HLCS: variants seen among roughly 807,000 people sequenced by gnomAD.
HLCS encodes the protein biotin--protein ligase.
In HLCS, 53 loss-of-function variants were observed where a neutral mutation model predicts 75.0. That is an observed-to-expected ratio of 0.71 (90% CI 0.57 to 0.89). HLCS has a LOEUF of 0.89. Ranked by LOEUF, HLCS falls within the 40% of genes least tolerant of loss-of-function variation. The pLI, the probability that HLCS is intolerant of heterozygous loss-of-function variation, is 0.00. For synonymous variants in HLCS, 431 were observed against 428.6 expected, an observed-to-expected ratio of 1.01 and a Z score of -0.07; for missense variants, 966 against 1,074.0, an observed-to-expected ratio of 0.90 and a Z score of 1.41.
chr21:36,900,436 G>T (rs1326948489), intron 5 of HLCS, among the ~76,000 whole-genome samples: 2 of 152,194 alleles, frequency 1.3e-5, no homozygotes, highest in African/African-American at 4.8e-5. Flanking sequence ...AGCCTGGGCA[G>T]AAGGTGGAGT....
rs535727316 is a variant in HLCS, at chr21:36,978,501, A to C, written c.-393+11657T>G. 1.7e-3 allele frequency among the ~76,000 whole-genome samples: 251 copies of C among 151,404 alleles called. 2 individuals are homozygous for C. Among genetic ancestry groups the C allele is most frequent in the African/African-American group, 5.9e-3 (243 of 41,386 alleles). ...AGAGCAAGACTCCCACCTCAAACAA[A>C]AAAAAAAAAAGAAAATTAAGAATAG... On this transcript the variant is annotated intron_variant, in intron 1 of 11. Coordinates refer to the HLCS transcript ENST00000336648.
intron 6 of HLCS, among the ~76,000 whole-genome samples, chr21:36,822,139 C>T (rs2061862137): frequency 2.6e-5 from 4 of 152,124 alleles, no homozygotes; most frequent in South Asian, 2.1e-4. Context: ...GGTCACTCCT[C>T]GGCGAGGTGC....
intron 10 of HLCS, 55 bp from the exon 11 acceptor site, chr21:36,754,472 A>G: frequency 1.3e-6 from 2 of 1,549,784 alleles, no homozygotes; most frequent in East Asian, 4.5e-5. Context: ...ACGACTTAAG[A>G]CAATGAGCTG....
intron 5 of HLCS, among the ~76,000 whole-genome samples, chr21:36,909,336 A>G (rs2065601700): frequency 6.6e-6 from 1 of 152,228 alleles, no homozygotes; most frequent in South Asian, 2.1e-4. Context: ...AATCATAACT[A>G]AATAAAGTTG....
At chr21:36,881,746 T>G (rs1273286593) in intron 6 of HLCS, among the ~76,000 whole-genome samples, 1 of 152,210 alleles carries the variant, frequency 6.6e-6, no homozygotes, top group Non-Finnish European at 1.5e-5. Flanking sequence ...GAAGGACACT[T>G]CCAGCTTTGG....
At position 36,767,233 on chromosome 21, in the gene HLCS, G is replaced by A. The variant is rs2090070234; in HGVS notation, c.1945C>T (p.Gln649Ter). ...GATGACTGACCTTTGCCCTCGGTCT[G>A]CCGGGCCGCGATCACTATTAAGCCC... The part of the protein sequence containing the change: ...EMGLIVIAAR[Q>*]TEGKGRGGNV... The change falls in exon 7 of 11, where the codon CAG becomes TAG. Residue 649 changes from glutamine (Q) to a stop codon, truncating the protein, a stop_gained. Transcript: ENST00000674895. LOFTEE classifies it high-confidence loss of function. 6.2e-7 allele frequency: 1 copy of A among 1,614,154 alleles called. No homozygotes were observed. Among genetic ancestry groups the A allele is most frequent in the Non-Finnish European group, 8.5e-7 (1 of 1,179,998 alleles).
chr21:36,872,246 C>A (rs1215378631), intron 6 of HLCS, among the ~76,000 whole-genome samples: 1 of 152,032 alleles, frequency 6.6e-6, no homozygotes, highest in Non-Finnish European at 1.5e-5. Context: ...CATGGTGAAA[C>A]CCCGTCTCTA....
chr21:36,977,163 T>A (rs1467933940), intron 1 of HLCS, among the ~76,000 whole-genome samples: 1 of 151,904 alleles, frequency 6.6e-6, no homozygotes, highest in Admixed American at 6.6e-5. Context: ...GGTCACAAAT[T>A]TTTTCTCTGT....
chr21:36,984,874 T>G lies in HLCS; in HGVS notation c.-393+5284A>C, dbSNP rs573959335. ...TCCATTTTATATTTTCTTTTTCTTG[T>G]TTTTTTTTTTTCATTTAATATTTTC... On this transcript the variant is annotated intron_variant, in intron 1 of 11. Coordinates refer to the HLCS transcript ENST00000336648. Among the ~76,000 whole-genome samples, 32 of 98,260 alleles carry G rather than the reference T, an allele frequency of 3.3e-4. 1 individual carries two copies. In the South Asian group the frequency reaches 4.8e-3, roughly 15 times the overall value. 64.5% of individuals were successfully genotyped at this position (98,260 alleles called of 152,430 possible).
chr21:36,759,952 T>C, intron 8 of HLCS, 111 bp from the exon 9 acceptor site: 1 of 763,764 alleles, frequency 1.3e-6, no homozygotes, highest in Non-Finnish European at 2.4e-6. Flanking sequence ...GGCCTCGTCC[T>C]CTCCTCTTTT....
intron 6 of HLCS, among the ~76,000 whole-genome samples, chr21:36,808,246 C>T (rs747101466): frequency 6.6e-5 from 10 of 152,034 alleles, no homozygotes; most frequent in Non-Finnish European, 1.0e-4. Flanking sequence ...GAGCATTTTC[C>T]CATGCTCATG....
At chr21:36,838,693 G>A (rs1349655804) in intron 6 of HLCS, among the ~76,000 whole-genome samples, 1 of 144,876 alleles carries the variant, frequency 6.9e-6, no homozygotes, top group Non-Finnish European at 1.5e-5. Context: ...GACAGAGCGA[G>A]ACTCCGTCTC....
rs540504959 is a variant in HLCS, at chr21:36,876,165, C to T, written c.1892+20695G>A. Among the ~76,000 whole-genome samples, 7 of 152,244 alleles carry T rather than the reference C, an allele frequency of 4.6e-5. No homozygotes were observed. In the East Asian group the frequency reaches 7.8e-4, roughly 17 times the overall value. On this transcript the variant is annotated intron_variant, in intron 6 of 10. Coordinates refer to ENST00000674895, the MANE Select transcript of HLCS (RefSeq NM_001352514.2). ...CTCGCCAGTGTGCGCCTGGCTCACCCGTGGCAGGCATGGGATCCAGGCTGA... is the reference window on the plus strand; with the variant it reads ...CTCGCCAGTGTGCGCCTGGCTCACCTGTGGCAGGCATGGGATCCAGGCTGA...
chr21:36,848,567 C>A (rs1968035), intron 6 of HLCS, among the ~76,000 whole-genome samples: 54,329 of 152,092 alleles, frequency 0.36, 12,036 homozygotes, highest in Admixed American at 0.53. Flanking sequence ...CGCGCCCAGC[C>A]TCAACTGTAA....
chr21:36,888,583 A>T (rs1000172977), intron 6 of HLCS, among the ~76,000 whole-genome samples: 4 of 149,004 alleles, frequency 2.7e-5, no homozygotes, highest in East Asian at 4.0e-4. Flanking sequence ...ACATTTCCTC[A>T]ACTCACATGA....
At chr21:36,816,981 G>C (rs1369545441) in intron 6 of HLCS, among the ~76,000 whole-genome samples, 1 of 152,160 alleles carries the variant, frequency 6.6e-6, no homozygotes, top group Non-Finnish European at 1.5e-5. Context: ...AAGACTTTCA[G>C]TGGCCAAGAT....
chr21:36,912,242 TAG>T (rs1406817356), intron 5 of HLCS, among the ~76,000 whole-genome samples: 3 of 150,138 alleles, frequency 2.0e-5, no homozygotes, highest in Non-Finnish European at 4.4e-5. Context: ...TGTCCCTCAA[TAG>T]ACAAATGGAT....
At chr21:36,812,460 A>C (rs2061541292) in intron 6 of HLCS, among the ~76,000 whole-genome samples, 1 of 152,206 alleles carries the variant, frequency 6.6e-6, no homozygotes, top group Non-Finnish European at 1.5e-5. Flanking sequence ...CTAAATTATC[A>C]CTGAAATCTA....
intron 5 of HLCS, among the ~76,000 whole-genome samples, chr21:36,910,492 G>A (rs1188766965): frequency 6.6e-6 from 1 of 151,380 alleles, no homozygotes; most frequent in Non-Finnish European, 1.5e-5. Context: ...GGTGCAGTGA[G>A]CAGAGATCGC....
Sources: gnomAD v4.1 joint callset for allele counts (sites outside exome capture counted in the v4.1 genomes callset) on GRCh38, gnomAD v4.1.1 for gene constraint, MANE v1.5 for transcripts, NCBI Gene and HGNC (gene_info 2026-07-23, HGNC 2026-07-21) for gene names.